ULK4: variants seen among roughly 807,000 people sequenced by gnomAD.
ULK4 encodes the protein inactive serine/threonine-protein kinase ULK4.
ULK4 carries 133 observed loss-of-function variants against 160.6 expected under a neutral mutation model. That is an observed-to-expected ratio of 0.83 (90% CI 0.72 to 0.96). ULK4 has a LOEUF of 0.96. Ranked by LOEUF, ULK4 falls within the 40% of genes least tolerant of loss-of-function variation. The pLI is 0.00. For missense variants in ULK4, 1,580 were observed against 1,499.5 expected, an observed-to-expected ratio of 1.05 and a Z score of -0.89; for synonymous variants, 534 against 539.8, an observed-to-expected ratio of 0.99 and a Z score of 0.15.
At chr3:41,552,999 G>C (rs1387935241) in intron 32 of ULK4, among the ~76,000 whole-genome samples, 1 of 152,030 alleles carries the variant, frequency 6.6e-6, no homozygotes, top group Admixed American at 6.6e-5. Flanking sequence ...ACATACAATG[G>C]AGATAGGGCT....
intron 2 of ULK4, among the ~76,000 whole-genome samples, chr3:41,953,836 T>C (rs985123981): frequency 1.3e-5 from 2 of 151,960 alleles, no homozygotes; most frequent in African/African-American, 4.8e-5. Flanking sequence ...CTGCTTGAGC[T>C]CAGGAGTTTG....
chr3:41,393,276 A>G lies in ULK4; in HGVS notation c.3678+4803T>C, dbSNP rs1474462223. 3.3e-5 allele frequency among the ~76,000 whole-genome samples: 5 copies of G among 152,180 alleles called. No individual in the cohort carries two copies. The East Asian group carries it at 9.6e-4, about 29-fold the overall frequency. On this transcript the variant is annotated intron_variant, in intron 35 of 36. Coordinates refer to ENST00000301831, the MANE Select transcript of ULK4 (RefSeq NM_017886.4). ...TTCCACAGTAAGGAAAACTAATTCAATTAAGATGCTGCCAGCAGCCGTTTG... is the reference window on the plus strand; with the variant it reads ...TTCCACAGTAAGGAAAACTAATTCAGTTAAGATGCTGCCAGCAGCCGTTTG...
At chr3:41,711,345 G>A (rs2037089491) in intron 25 of ULK4, among the ~76,000 whole-genome samples, 1 of 152,160 alleles carries the variant, frequency 6.6e-6, no homozygotes, top group African/African-American at 2.4e-5. Flanking sequence ...TAGGTCTGCT[G>A]GCTAGGGGGT....
chr3:41,314,861 A>G (rs923480079), intron 35 of ULK4, among the ~76,000 whole-genome samples: 10 of 151,936 alleles, frequency 6.6e-5, no homozygotes, highest in Non-Finnish European at 8.8e-5. Flanking sequence ...GAGATTATAT[A>G]TGGGTCTTTA....
At chr3:41,717,618 A>G in intron 23 of ULK4, 110 bp downstream of exon 23, 1 of 1,349,586 alleles carries the variant, frequency 7.4e-7, no homozygotes, top group Non-Finnish European at 1.0e-6. Flanking sequence ...AAGTGTCTGC[A>G]TTTGCCTTCA....
At chr3:41,741,891 C>A (rs746870353) in intron 22 of ULK4, among the ~76,000 whole-genome samples, 1 of 151,802 alleles carries the variant, frequency 6.6e-6, no homozygotes, top group Non-Finnish European at 1.5e-5. Context: ...CAGTAAGTCT[C>A]CTTCCCTTCT....
At chr3:41,717,438 T>C (rs1477708798) in intron 23 of ULK4, among the ~76,000 whole-genome samples, 3 of 152,218 alleles carry the variant, frequency 2.0e-5, no homozygotes, top group Non-Finnish European at 4.4e-5. Context: ...TAAGTCCAAT[T>C]TTAAGCAATT....
chr3:41,797,411 T>C (rs745559286), intron 20 of ULK4, among the ~76,000 whole-genome samples: 4 of 152,122 alleles, frequency 2.6e-5, no homozygotes, highest in Non-Finnish European at 5.9e-5. Flanking sequence ...GAGTCATCAA[T>C]GGATGCTATG....
chr3:41,845,260 G>A (rs746215355), intron 17 of ULK4, among the ~76,000 whole-genome samples: 17 of 152,044 alleles, frequency 1.1e-4, no homozygotes, highest in African/African-American at 3.9e-4. Context: ...CACCGCAGCC[G>A]GCCGACCCAG....
At chr3:41,646,873 T>C (rs770072422) in intron 30 of ULK4, among the ~76,000 whole-genome samples, 100 of 152,238 alleles carry the variant, frequency 6.6e-4, no homozygotes, top group Non-Finnish European at 8.2e-4. Flanking sequence ...CCCATATTTC[T>C]TGGAGGCTTT....
At chr3:41,955,244 C>T (rs1700442506) in intron 1 of ULK4, among the ~76,000 whole-genome samples, 3 of 152,202 alleles carry the variant, frequency 2.0e-5, no homozygotes, top group Admixed American at 6.5e-5. Flanking sequence ...GAGCCGAGAT[C>T]GCACCACTGC....
chr3:41,870,505 T>A (rs1338997614), intron 17 of ULK4, among the ~76,000 whole-genome samples: 2 of 152,216 alleles, frequency 1.3e-5, no homozygotes, highest in Non-Finnish European at 2.9e-5. Flanking sequence ...ATCCAATAAG[T>A]GTTTTTGAAC....
intron 18 of ULK4, among the ~76,000 whole-genome samples, chr3:41,828,143 C>G (rs141768024): frequency 0.19 from 24,249 of 130,438 alleles, 3,981 homozygotes; most frequent in African/African-American, 0.41. Flanking sequence ...CTGATGAGAC[C>G]TATCTCAAAA....
intron 2 of ULK4, among the ~76,000 whole-genome samples, chr3:41,948,473 T>C (rs188365057): frequency 3.9e-5 from 6 of 152,092 alleles, no homozygotes; most frequent in Admixed American, 2.0e-4. Context: ...AGAGTGTTTA[T>C]TAAGTGTCAG....
chr3:41,743,333 GAAAA>G (rs1197299279), intron 22 of ULK4, among the ~76,000 whole-genome samples: 2 of 145,388 alleles, frequency 1.4e-5, no homozygotes, highest in African/African-American at 5.1e-5. Flanking sequence ...GACTAAAAAG[GAAAA>G]AAAAAACTGT....
At chr3:41,497,464 GA>G (rs2125913151) in intron 32 of ULK4, among the ~76,000 whole-genome samples, 1 of 151,980 alleles carries the variant, frequency 6.6e-6, no homozygotes, top group South Asian at 2.1e-4. Context: ...AAGAATGGAA[GA>G]AAAAATATTT....
At chr3:41,654,346 G>T (rs2034854957) in intron 30 of ULK4, among the ~76,000 whole-genome samples, 3 of 152,230 alleles carry the variant, frequency 2.0e-5, no homozygotes, top group African/African-American at 4.8e-5. Context: ...ACAACCATTA[G>T]CAGTTGAATC....
intron 32 of ULK4, among the ~76,000 whole-genome samples, chr3:41,467,548 A>T (rs1357624061): frequency 1.3e-5 from 2 of 152,190 alleles, no homozygotes; most frequent in African/African-American, 4.8e-5. Flanking sequence ...AAAAGCCCCA[A>T]ACTAGAAATA....
chr3:41,951,972 T>C (rs778496252), intron 2 of ULK4, among the ~76,000 whole-genome samples: 12 of 152,174 alleles, frequency 7.9e-5, no homozygotes, highest in Non-Finnish European at 1.6e-4. Context: ...TTTCTGTTAT[T>C]TATAAGCTAT....
Sources: gnomAD v4.1 joint callset for allele counts (sites outside exome capture counted in the v4.1 genomes callset) on GRCh38, gnomAD v4.1.1 for gene constraint, MANE v1.5 for transcripts, NCBI Gene and HGNC (gene_info 2026-07-23, HGNC 2026-07-21) for gene names.